ROR2: variants seen among roughly 807,000 people sequenced by gnomAD.
ROR2 encodes the protein tyrosine-protein kinase transmembrane receptor ROR2.
Under a neutral mutation model 74.9 loss-of-function variants are expected in ROR2, and 33 were observed. That is an observed-to-expected ratio of 0.44 (90% confidence interval 0.33 to 0.59). The LOEUF is 0.59. Among genes scored for constraint, ROR2 ranks in the 20% least tolerant of loss-of-function variants. The pLI, the probability that ROR2 is intolerant of heterozygous loss-of-function variation, is 0.02. For missense variants in ROR2, 1,216 were observed against 1,313.8 expected, an observed-to-expected ratio of 0.93 and a Z score of 1.15; for synonymous variants, 586 against 558.7, an observed-to-expected ratio of 1.05 and a Z score of -0.69.
intron 1 of ROR2, among the ~76,000 whole-genome samples, chr9:91,777,144 G>A (rs1326443136): frequency 1.3e-5 from 2 of 152,090 alleles, no homozygotes; most frequent in Admixed American, 6.5e-5. Flanking sequence ...CTTATATTTC[G>A]AAATTTTAAA....
chr9:91,941,045 C>G (rs1831847576), intron 1 of ROR2, among the ~76,000 whole-genome samples: 1 of 146,470 alleles, frequency 6.8e-6, no homozygotes, highest in African/African-American at 2.6e-5. Flanking sequence ...TCACCCAGGC[C>G]AGACTGCCAT....
chr9:91,814,016 G>T (rs917832938), intron 1 of ROR2, among the ~76,000 whole-genome samples: 4 of 152,294 alleles, frequency 2.6e-5, no homozygotes, highest in African/African-American at 9.6e-5. Context: ...AAAATAAGAT[G>T]CTCTGTCAAG....
chr9:91,857,173 C>A (rs1407245167), intron 1 of ROR2, among the ~76,000 whole-genome samples: 1 of 152,256 alleles, frequency 6.6e-6, no homozygotes, highest in Non-Finnish European at 1.5e-5. Context: ...GGCCACCCAG[C>A]CTGCAGTCAT....
At chr9:91,920,632 A>G (rs1831239299) in intron 1 of ROR2, among the ~76,000 whole-genome samples, 1 of 152,212 alleles carries the variant, frequency 6.6e-6, no homozygotes, top group African/African-American at 2.4e-5. Context: ...CTTCCTAAAC[A>G]CCTGGTCTGT....
intron 1 of ROR2, among the ~76,000 whole-genome samples, chr9:91,872,159 C>T (rs1378629866): frequency 6.6e-6 from 1 of 152,068 alleles, no homozygotes; most frequent in African/African-American, 2.4e-5. Context: ...ATTACTTATT[C>T]ACCCTCATTT....
rs76705916 is a variant in ROR2 at position 91,906,007 on chromosome 9, GAA to G, written c.97+43858_97+43859del. Among the ~76,000 whole-genome samples the G allele has an allele frequency of 9.6e-5, 14 of 145,368 alleles. No homozygotes were observed. In the East Asian group the frequency reaches 1.2e-3, roughly 13 times the overall value. Reference sequence around the variant, plus strand: ...AAACACCCCTTAAAGAGAATTCTTTGAAAAAAAAAAACCACACACACACACAG... The same window carrying G: ...AAACACCCCTTAAAGAGAATTCTTTGAAAAAAAAACCACACACACACACAG... On this transcript the variant is annotated intron_variant, in intron 1 of 8. Coordinates refer to ENST00000375708, the MANE Select transcript of ROR2 (RefSeq NM_004560.4).
chr9:91,894,961 A>T (rs1830501883), intron 1 of ROR2, among the ~76,000 whole-genome samples: 1 of 152,232 alleles, frequency 6.6e-6, no homozygotes, highest in African/African-American at 2.4e-5. Flanking sequence ...TGTCCACACA[A>T]AAACCTGCAC....
At chr9:91,897,176 T>C (rs1830557543) in intron 1 of ROR2, among the ~76,000 whole-genome samples, 1 of 152,212 alleles carries the variant, frequency 6.6e-6, no homozygotes, top group African/African-American at 2.4e-5. Flanking sequence ...GCTCCCAAAT[T>C]AAGGGAAAGG....
At chr9:91,922,461 T>TTA (rs1831295881) in intron 1 of ROR2, among the ~76,000 whole-genome samples, 1 of 152,070 alleles carries the variant, frequency 6.6e-6, no homozygotes, top group Admixed American at 6.6e-5. Flanking sequence ...TTTTTTTATT[T>TTA]TTTATTTTTT....
intron 1 of ROR2, among the ~76,000 whole-genome samples, chr9:91,878,860 G>A (rs953734091): frequency 1.3e-5 from 2 of 152,074 alleles, no homozygotes; most frequent in Admixed American, 6.5e-5. Flanking sequence ...GGCAGATCAC[G>A]AGGTCAGGAG....
At chr9:91,931,805 C>A (rs1831556135) in intron 1 of ROR2, among the ~76,000 whole-genome samples, 1 of 152,108 alleles carries the variant, frequency 6.6e-6, no homozygotes, top group African/African-American at 2.4e-5. Context: ...AACATGAACA[C>A]AACATAAAAG....
intron 1 of ROR2, among the ~76,000 whole-genome samples, chr9:91,940,995 CTTT>C (rs11321454): frequency 1.6e-3 from 177 of 110,720 alleles, no homozygotes; most frequent in African/African-American, 6.4e-3. Flanking sequence ...ATTTTTAATT[CTTT>C]TTTTTTTTTT....
chr9:91,889,548 C>G (rs1202902890), intron 1 of ROR2, among the ~76,000 whole-genome samples: 1 of 152,184 alleles, frequency 6.6e-6, no homozygotes. Context: ...CCCCCTCACT[C>G]TGTACAGGCT....
chr9:91,857,393 C>A (rs1196943532), intron 1 of ROR2, among the ~76,000 whole-genome samples: 7 of 152,234 alleles, frequency 4.6e-5, no homozygotes, highest in Non-Finnish European at 7.3e-5. Flanking sequence ...TTTGTGACTG[C>A]CAGGGCTTCG....
intron 1 of ROR2, among the ~76,000 whole-genome samples, chr9:91,865,642 A>C (rs960668267): frequency 6.6e-6 from 1 of 152,242 alleles, no homozygotes; most frequent in Non-Finnish European, 1.5e-5. Flanking sequence ...CATTTTCAAA[A>C]TATGGGCCCA....
chr9:91,899,344 G>A (rs187775773), intron 1 of ROR2, among the ~76,000 whole-genome samples: 147 of 152,316 alleles, frequency 9.7e-4, no homozygotes, highest in Non-Finnish European at 1.5e-3. Flanking sequence ...AGCAGACAGA[G>A]CAGGACCCAG....
intron 6 of ROR2, among the ~76,000 whole-genome samples, chr9:91,731,509 G>A (rs1837243491): frequency 6.6e-6 from 1 of 152,180 alleles, no homozygotes. Context: ...AGAAGGGCCT[G>A]GCCCCTCCAT....
chr9:91,727,911 AAG>A, intron 7 of ROR2, among the ~76,000 whole-genome samples: 1 of 152,278 alleles, frequency 6.6e-6, no homozygotes, highest in East Asian at 1.9e-4. Context: ...CCCAAATAAG[AAG>A]AAATCAAGTA....
At chr9:91,873,784 A>G (rs1010520778) in intron 1 of ROR2, among the ~76,000 whole-genome samples, 1 of 152,190 alleles carries the variant, frequency 6.6e-6, no homozygotes, top group Non-Finnish European at 1.5e-5. Flanking sequence ...AGCGCCGAGC[A>G]GCTGAATCTC....
Sources: gnomAD v4.1 joint callset for allele counts (sites outside exome capture counted in the v4.1 genomes callset) on GRCh38, gnomAD v4.1.1 for gene constraint, MANE v1.5 for transcripts, NCBI Gene and HGNC (gene_info 2026-07-23, HGNC 2026-07-21) for gene names.